The following RYR2 variants were observed in gnomAD, a reference collection of about 807,000 sequenced individuals.
RYR2 encodes cardiac muscle ryanodine receptor-calcium release channel.
In RYR2, 227 loss-of-function variants were observed where a neutral mutation model predicts 601.1. That is an observed-to-expected ratio of 0.38 (90% CI 0.34 to 0.42). The LOEUF (loss-of-function observed/expected upper bound fraction) is 0.42. RYR2 is among the 10% of genes least tolerant of loss of function. The pLI is 1.00. For synonymous variants in RYR2, 2,223 were observed against 2,175.1 expected (o/e 1.02, Z -0.61); for missense variants, 4,646 against 6,156.5 (o/e 0.75, Z 8.21).
chr1:237,699,158 A>G lies in RYR2; in HGVS notation c.9128+133A>G, dbSNP rs3736539. 0.62 allele frequency: 291,669 copies of G among 470,326 alleles called. 97,469 individuals are homozygous for G. The highest frequency in any genetic ancestry group is 0.7 in the Non-Finnish European group (189,209 of 268,518). 29.1% of individuals were successfully genotyped at this position (470,326 alleles called of 1,614,324 possible). A position where few individuals can be genotyped will look rare whatever the true frequency, so the allele number is the denominator to read the frequency against. ...TAATAAAGTCTTTAGTGTAGGTGAA[A>G]AGAAAAACTTTTTAAAATTAATACA... On this transcript the variant is annotated intron_variant, in intron 64 of 104. Transcript: ENST00000366574.
chr1:237,676,990 G>A (rs766325576), intron 60 of RYR2, among the ~76,000 whole-genome samples: 76 of 152,112 alleles, frequency 5.0e-4, no homozygotes, highest in Non-Finnish European at 8.5e-4. Context: ...AGATTCAAAT[G>A]CCAAAGTGCC....
chr1:237,358,595 G>A (rs1699503080), intron 4 of RYR2, among the ~76,000 whole-genome samples: 1 of 151,970 alleles, frequency 6.6e-6, no homozygotes, highest in Non-Finnish European at 1.5e-5. Flanking sequence ...TCCACTAGCT[G>A]GTCAGTGGCA....
intron 79 of RYR2, among the ~76,000 whole-genome samples, chr1:237,737,453 C>G (rs1691249805): frequency 6.6e-6 from 1 of 152,220 alleles, no homozygotes; most frequent in Non-Finnish European, 1.5e-5. Flanking sequence ...GAACTGTACC[C>G]TCACTTGCAC....
At position 237,091,614 on chromosome 1, in the gene RYR2, G is replaced by A. The variant is rs371250766; in HGVS notation, c.48+49045G>A. The stretch of plus-strand genomic sequence containing the variant: ...TAATTTTTGTATTTTTAGTAGAGAC[G>A]GGGTTTCGCCATGTTGCCCAGGCTG... On this transcript the variant is annotated intron_variant, in intron 1 of 104. Coordinates refer to ENST00000366574, the MANE Select transcript of RYR2 (RefSeq NM_001035.3). 1.5e-3 allele frequency among the ~76,000 whole-genome samples: 227 copies of A among 152,138 alleles called. 1 individual carries two copies. The highest frequency in any genetic ancestry group is 5.3e-3 in the African/African-American group (218 of 41,480).
At chr1:237,250,470 C>T (rs148547401) in intron 1 of RYR2, among the ~76,000 whole-genome samples, 67 of 152,254 alleles carry the variant, frequency 4.4e-4, no homozygotes, top group Middle Eastern at 3.4e-3. Context: ...TAAAGATAGT[C>T]TCTCATTTAA....
intron 24 of RYR2, among the ~76,000 whole-genome samples, chr1:237,521,037 C>CA (rs1224584722): frequency 6.7e-6 from 1 of 150,330 alleles, no homozygotes; most frequent in South Asian, 2.1e-4. Context: ...ACTCTGTCTC[C>CA]AAAAAAAAGG....
At chr1:237,262,550 C>G (rs1192719154) in intron 1 of RYR2, among the ~76,000 whole-genome samples, 4 of 152,076 alleles carry the variant, frequency 2.6e-5, no homozygotes, top group African/African-American at 9.7e-5. Context: ...AGCCACTGCA[C>G]CTGGCCAAGA....
chr1:237,611,095 G>A (rs2274900), intron 36 of RYR2, 107 bp downstream of exon 36: 18,359 of 855,096 alleles, frequency 0.021, 892 homozygotes, highest in East Asian at 0.19. Flanking sequence ...AAAGAAACAA[G>A]ATGAAATTTA....
At chr1:237,589,737 T>C in intron 29 of RYR2, 56 bp from the exon 30 acceptor site, 1 of 1,523,390 alleles carries the variant, frequency 6.6e-7, no homozygotes, top group East Asian at 2.3e-5. Flanking sequence ...GATAATTCTA[T>C]ACTAACAGGA....
intron 17 of RYR2, among the ~76,000 whole-genome samples, chr1:237,488,138 C>A (rs968464978): frequency 4.6e-5 from 7 of 151,972 alleles, no homozygotes; most frequent in African/African-American, 1.4e-4. Flanking sequence ...TATTTTAGCA[C>A]GAAAATTTAT....
In RYR2 at chr1:237,724,215, A is replaced by ATATATATATG. The variant is rs1178085578; in HGVS notation, c.10689+956_10689+957insATATATGTAT. Among the ~76,000 whole-genome samples, 19 of 123,114 alleles carry ATATATATATG rather than the reference A, an allele frequency of 1.5e-4. 1 individual carries two copies. Among genetic ancestry groups the ATATATATATG allele is most frequent in the South Asian group, 1.4e-3 (5 of 3,678 alleles). 80.8% of individuals were successfully genotyped at this position (123,114 alleles called of 152,430 possible). On this transcript the variant is annotated intron_variant, in intron 74 of 104. Transcript: ENST00000366574. ...TATATATATATATATATATATATAT[A>ATATATATATG]TATGTATGTGTGATAAATTTCATAG...
At chr1:237,647,249 A>T (rs932268945) in intron 48 of RYR2, among the ~76,000 whole-genome samples, 4 of 152,140 alleles carry the variant, frequency 2.6e-5, no homozygotes, top group African/African-American at 7.2e-5. Flanking sequence ...TAGGTATGTG[A>T]CCTTGGACTA....
In RYR2 at chr1:237,180,017, A is replaced by G. The variant is rs1450437962; in HGVS notation, c.49-90480A>G. On this transcript the variant is annotated intron_variant, in intron 1 of 104. Coordinates refer to ENST00000366574, the MANE Select transcript of RYR2 (RefSeq NM_001035.3). The surrounding 1 kb of genome is among the most constrained non-coding windows in gnomAD (Gnocchi z 5.3). ...TTCTGATCAAATTTCGGGTCTTGAC[A>G]CAGCAAGTGATAAAGCTTTGACCCC... Among the ~76,000 whole-genome samples, 1 of 152,058 alleles carries G rather than the reference A, an allele frequency of 6.6e-6. No individual in the cohort carries two copies. The highest frequency in any genetic ancestry group is 1.5e-5 in the Non-Finnish European group (1 of 68,026).
chr1:237,692,447 T>C (rs576732556), intron 63 of RYR2, among the ~76,000 whole-genome samples: 33 of 152,306 alleles, frequency 2.2e-4, no homozygotes, highest in African/African-American at 7.9e-4. Flanking sequence ...CACTCCTGCA[T>C]ATTCAGTGGC....
intron 101 of RYR2, among the ~76,000 whole-genome samples, chr1:237,827,911 TG>T (rs575864844): frequency 1.8e-5 from 2 of 113,706 alleles, no homozygotes; most frequent in African/African-American, 3.3e-5. Context: ...CACTCCAGCC[TG>T]GGTGACAGAA....
chr1:237,569,285 A>G lies in RYR2; in HGVS notation c.3564A>G (p.Ser1188=). 1 of 1,613,916 alleles carries G rather than the reference A, an allele frequency of 6.2e-7. No individual in the cohort carries two copies. ...AAATCCTTCTTGATGATTCAGGCTCAGAACTGGCTTTCAAGGACTTTGATG... is the reference window on the plus strand; with the variant it reads ...AAATCCTTCTTGATGATTCAGGCTCGGAACTGGCTTTCAAGGACTTTGATG... The part of the protein sequence containing the change: ...NGEILLDDSG[S]ELAFKDFDVG... The change falls in exon 29 of 105, where the codon TCA becomes TCG. Residue 1188 remains serine (S), a synonymous_variant. Transcript: ENST00000366574.
intron 100 of RYR2, 24 bp downstream of exon 100, chr1:237,809,059 A>T (rs373599877): frequency 6.3e-7 from 1 of 1,597,538 alleles, no homozygotes; most frequent in Non-Finnish European, 8.6e-7. Context: ...CTTTGATCTC[A>T]CATAAACAAA....
intron 101 of RYR2, among the ~76,000 whole-genome samples, chr1:237,821,552 C>A (rs1662497862): frequency 6.6e-6 from 1 of 152,096 alleles, no homozygotes; most frequent in Admixed American, 6.5e-5. Context: ...GTAGATAAAT[C>A]CATGAAGATG....
At chr1:237,577,024 G>T (rs1673296144) in intron 29 of RYR2, among the ~76,000 whole-genome samples, 1 of 152,108 alleles carries the variant, frequency 6.6e-6, no homozygotes, top group African/African-American at 2.4e-5. Context: ...GCTCAAATTG[G>T]TCTCTCCACT....
Sources: gnomAD v4.1 joint callset for allele counts (sites outside exome capture counted in the v4.1 genomes callset) on GRCh38, gnomAD v4.1.1 for gene constraint, Gnocchi (gnomAD v3.1) non-coding constraint, MANE v1.5 for transcripts, NCBI Gene and HGNC (gene_info 2026-07-23, HGNC 2026-07-21) for gene names.